Variants in HES2 observed in about 807,000 individuals in gnomAD.
HES2 encodes transcription factor HES-2.
In HES2, 11 loss-of-function variants were observed where a neutral mutation model predicts 11.9. The ratio of observed to expected loss-of-function variants is 0.92; its 90% CI spans 0.58 to 1.53. The LOEUF (loss-of-function observed/expected upper bound fraction) is 1.53, where lower values mean the gene tolerates loss of function less well. Among genes scored for constraint, HES2 ranks in the 40% most tolerant of loss-of-function variants. HES2 has a pLI of 0.00. For missense variants in HES2, 260 were observed against 253.8 expected (o/e 1.02, Z -0.16); for synonymous variants, 125 against 122.8 (o/e 1.02, Z -0.12).
At position 6,419,557 on chromosome 1, in the gene HES2, C is replaced by T. The variant is rs750346132; in HGVS notation, c.141+50G>A. The stretch of plus-strand genomic sequence containing the variant: ...CCCGCAGGAGCACCCCGTCCCCCTG[C>T]CCCCGCTCCGCGCCCCAGGACCCTC... On this transcript the variant is annotated intron_variant, in intron 2 of 3. Coordinates refer to ENST00000377834, the MANE Select transcript of HES2 (RefSeq NM_019089.5). This position sits in a 1 kb window ranked among gnomAD's most constrained non-coding sequence, Gnocchi z 8.1. 46 of 1,444,132 alleles carry T rather than the reference C, an allele frequency of 3.2e-5. No individual in the cohort carries two copies. The East Asian group carries it at 4.3e-4, about 13-fold the overall frequency. 89.5% of individuals were successfully genotyped at this position (1,444,132 alleles called of 1,614,324 possible).
chr1:6,419,794 G>C lies in HES2; in HGVS notation c.27C>G (p.Asp9Glu), dbSNP rs1642891387. 2 of 1,560,596 alleles carry C rather than the reference G, an allele frequency of 1.3e-6. No individual in the cohort carries two copies. The highest frequency in any genetic ancestry group is 2.8e-5 in the African/African-American group (2 of 70,974). The change falls in exon 1 of 4, where the codon GAC (aspartate) becomes GAG (glutamate). Residue 9 changes from aspartate to glutamate, a missense_variant. Transcript: ENST00000377834. This position sits in a 1 kb window ranked among gnomAD's most constrained non-coding sequence, Gnocchi z 8.1. MGLPRRAG[D>E]AAELRKSLKP... ...TACCCACCTTGCGCAGCTCCGCCGC[G>C]TCCCCTGCCCGGCGAGGCAGCCCCA...
chr1:6,419,456 T>G lies in HES2; in HGVS notation c.142-116A>C, dbSNP rs1642886287. On this transcript the variant is annotated intron_variant, in intron 2 of 3. Coordinates refer to ENST00000377834, the MANE Select transcript of HES2 (RefSeq NM_019089.5). The surrounding 1 kb of genome is among the most constrained non-coding windows in gnomAD (Gnocchi z 8.1). ...GGGTGTGGGGCGCGCCGTGGCCTGC[T>G]GGGGGTCCGCTCCGACGCGCCCACC... 1 of 1,178,758 alleles carries G rather than the reference T, an allele frequency of 8.5e-7. No individual in the cohort carries two copies. The highest frequency in any genetic ancestry group is 1.2e-6 in the Non-Finnish European group (1 of 845,906). The allele number at this position is 1,178,758 out of a possible 1,614,324, so 73.0% of individuals were successfully genotyped here.
In HES2 at chr1:6,416,565, A is replaced by G. The variant is rs567763998; in HGVS notation, c.*2308T>C. 5 of 152,232 alleles carry G rather than the reference A, an allele frequency of 3.3e-5. No homozygotes were observed. In the East Asian group the frequency reaches 9.7e-4, roughly 29 times the overall value. The allele number at this position is 152,232 out of a possible 1,614,324, so 9.4% of individuals were successfully genotyped here. On this transcript the variant is annotated 3_prime_UTR_variant, in exon 4 of 4. Coordinates refer to ENST00000377834, the MANE Select transcript of HES2 (RefSeq NM_019089.5). ...GCCTGACCCTGTGAGTCACTGGCCC[A>G]TCTACAATCCTTCTCCCCGTGACTG...
chr1:6,418,899 C>G lies in HES2; in HGVS notation c.496G>C (p.Gly166Arg). 1 of 1,316,170 alleles carries G rather than the reference C, an allele frequency of 7.6e-7. No homozygotes were observed. The highest frequency in any genetic ancestry group is 9.6e-7 in the Non-Finnish European group (1 of 1,040,664). 81.5% of individuals were successfully genotyped at this position (1,316,170 alleles called of 1,614,324 possible). Residue 166 changes from glycine to arginine, a missense_variant, in exon 4 of 4, where the codon GGC becomes CGC. Transcript: ENST00000377834. ...PVPSPPSPPC[G>R]PGLWRPW Reference sequence around the variant, plus strand: ...TACCACGGCCGCCAGAGGCCAGGGCCGCAGGGAGGCGAGGGCGGCGAGGGC... The same window carrying G: ...TACCACGGCCGCCAGAGGCCAGGGCGGCAGGGAGGCGAGGGCGGCGAGGGC...
chr1:6,416,103 G>T lies in HES2; in HGVS notation c.*2770C>A. 6.6e-6 allele frequency: 1 copy of T among 152,368 alleles called. No individual in the cohort carries two copies. Among genetic ancestry groups the T allele is most frequent in the Non-Finnish European group, 1.5e-5 (1 of 68,064 alleles). 9.4% of individuals were successfully genotyped at this position (152,368 alleles called of 1,614,324 possible). A position where few individuals can be genotyped will look rare whatever the true frequency, so the allele number is the denominator to read the frequency against. On this transcript the variant is annotated 3_prime_UTR_variant, in exon 4 of 4. Transcript: ENST00000377834. ...TTGCCCACTGGTTTTATGAGAAAGA[G>T]ACATGGGAGCCTTTTCCCCAGCTGG...
Position 6,418,872 on chromosome 1 carries a change from G to C in HES2, c.*1C>G, listed in dbSNP as rs929976888. On this transcript the variant is annotated 3_prime_UTR_variant, in exon 4 of 4. Transcript: ENST00000377834. The stretch of plus-strand genomic sequence containing the variant: ...GCAGGGTCTGTGGATCGGCCGAGGG[G>C]CTACCACGGCCGCCAGAGGCCAGGG... 7.7e-7 allele frequency: 1 copy of C among 1,306,662 alleles called. No homozygotes were observed. The highest frequency in any genetic ancestry group is 1.5e-5 in the African/African-American group (1 of 64,822). The allele number at this position is 1,306,662 out of a possible 1,614,324, so 80.9% of individuals were successfully genotyped here.
chr1:6,419,447 G>A lies in HES2; in HGVS notation c.142-107C>T. Reference sequence around the variant, plus strand: ...TCGGGAGCTGGGTGTGGGGCGCGCCGTGGCCTGCTGGGGGTCCGCTCCGAC... The same window carrying A: ...TCGGGAGCTGGGTGTGGGGCGCGCCATGGCCTGCTGGGGGTCCGCTCCGAC... On this transcript the variant is annotated intron_variant, in intron 2 of 3. Coordinates refer to ENST00000377834, the MANE Select transcript of HES2 (RefSeq NM_019089.5). This position sits in a 1 kb window ranked among gnomAD's most constrained non-coding sequence, Gnocchi z 8.1. The A allele has an allele frequency of 5.0e-6, 6 of 1,198,474 alleles. No individual in the cohort carries two copies. The highest frequency in any genetic ancestry group is 7.0e-6 in the Non-Finnish European group (6 of 860,202). 74.2% of individuals were successfully genotyped at this position (1,198,474 alleles called of 1,614,324 possible).
Position 6,416,570 on chromosome 1 carries a change from C to T in HES2, c.*2303G>A, listed in dbSNP as rs1642852818. On this transcript the variant is annotated 3_prime_UTR_variant, in exon 4 of 4. Transcript: ENST00000377834. Reference sequence around the variant, plus strand: ...ACCCTGTGAGTCACTGGCCCATCTACAATCCTTCTCCCCGTGACTGCTTGA... The same window carrying T: ...ACCCTGTGAGTCACTGGCCCATCTATAATCCTTCTCCCCGTGACTGCTTGA... 6.6e-6 allele frequency: 1 copy of T among 152,202 alleles called. No individual in the cohort carries two copies. The highest frequency in any genetic ancestry group is 1.5e-5 in the Non-Finnish European group (1 of 68,064). The allele number at this position is 152,202 out of a possible 1,614,324, so 9.4% of individuals were successfully genotyped here.
Position 6,416,424 on chromosome 1 carries a change from C to T in HES2, c.*2449G>A, listed in dbSNP as rs1279289642. 1 of 152,308 alleles carries T rather than the reference C, an allele frequency of 6.6e-6. No individual in the cohort carries two copies. The highest frequency in any genetic ancestry group is 1.5e-5 in the Non-Finnish European group (1 of 68,112). 9.4% of individuals were successfully genotyped at this position (152,308 alleles called of 1,614,324 possible). On this transcript the variant is annotated 3_prime_UTR_variant, in exon 4 of 4. Coordinates refer to ENST00000377834, the MANE Select transcript of HES2 (RefSeq NM_019089.5). ...AGACCTTCTGCGCAGCTAGCTCTTG[C>T]ACACACCCCTGCGGAGAAACTCTGC...
At position 6,415,578 on chromosome 1, in the gene HES2, C is replaced by T. The variant is rs1642837900; in HGVS notation, c.*3295G>A. 1 of 151,668 alleles carries T rather than the reference C, an allele frequency of 6.6e-6. No homozygotes were observed. The highest frequency in any genetic ancestry group is 6.6e-5 in the Admixed American group (1 of 15,156). 9.4% of individuals were successfully genotyped at this position (151,668 alleles called of 1,614,324 possible). A position where few individuals can be genotyped will look rare whatever the true frequency, so the allele number is the denominator to read the frequency against. On this transcript the variant is annotated 3_prime_UTR_variant, in exon 4 of 4. Transcript: ENST00000377834. Reference sequence around the variant, plus strand: ...CAATTTGTCAATGTTTATGAGGAGTCCTCCTTGGCAGCCCAGTCTTTATCC... The same window carrying T: ...CAATTTGTCAATGTTTATGAGGAGTTCTCCTTGGCAGCCCAGTCTTTATCC...
In HES2 at chr1:6,419,473, G is replaced by T; in HGVS notation, c.142-133C>A. The T allele has an allele frequency of 8.7e-7, 1 of 1,153,860 alleles. No individual in the cohort carries two copies. Among genetic ancestry groups the T allele is most frequent in the Middle Eastern group, 2.3e-4 (1 of 4,404 alleles). 71.5% of individuals were successfully genotyped at this position (1,153,860 alleles called of 1,614,324 possible). ...TGGCCTGCTGGGGGTCCGCTCCGAC[G>T]CGCCCACCCCACCCAGGCTCCGCCT... On this transcript the variant is annotated intron_variant, in intron 2 of 3. Coordinates refer to ENST00000377834, the MANE Select transcript of HES2 (RefSeq NM_019089.5). The surrounding 1 kb of genome is among the most constrained non-coding windows in gnomAD (Gnocchi z 8.1).
Position 6,419,803 on chromosome 1 carries a change from C to A in HES2, c.18G>T (p.Arg6=). The A allele has an allele frequency of 6.4e-7, 1 of 1,563,666 alleles. No homozygotes were observed. Residue 6 remains arginine (R), a synonymous_variant, in exon 1 of 4, where the codon CGG becomes CGT. Transcript: ENST00000377834. This position sits in a 1 kb window ranked among gnomAD's most constrained non-coding sequence, Gnocchi z 8.1. Reference sequence around the variant, plus strand: ...TGCGCAGCTCCGCCGCGTCCCCTGCCCGGCGAGGCAGCCCCATGCTCCGCG... The same window carrying A: ...TGCGCAGCTCCGCCGCGTCCCCTGCACGGCGAGGCAGCCCCATGCTCCGCG... The part of the protein sequence containing the change: MGLPR[R]AGDAAELRKS...
Position 6,419,760 on chromosome 1 carries a change from A to C in HES2, c.45+16T>G, listed in dbSNP as rs764249047. ...CCCCGGAGTCCCCAGCCCCGCCCCC[A>C]GTCCCCGGTACCCACCTTGCGCAGC... is the stretch of plus-strand genomic sequence containing the variant. On this transcript the variant is annotated intron_variant, in intron 1 of 3. Coordinates refer to ENST00000377834, the MANE Select transcript of HES2 (RefSeq NM_019089.5). The surrounding 1 kb of genome is among the most constrained non-coding windows in gnomAD (Gnocchi z 8.1). 140 of 1,461,588 alleles carry C rather than the reference A, an allele frequency of 9.6e-5. 1 individual carries two copies. The highest frequency in any genetic ancestry group is 3.8e-4 in the Admixed American group (20 of 52,638). 90.5% of individuals were successfully genotyped at this position (1,461,588 alleles called of 1,614,324 possible).
Position 6,415,374 on chromosome 1 carries a change from T to G in HES2, c.*3499A>C, listed in dbSNP as rs748406871. On this transcript the variant is annotated 3_prime_UTR_variant, in exon 4 of 4. Coordinates refer to ENST00000377834, the MANE Select transcript of HES2 (RefSeq NM_019089.5). ...AGCATGTGCCCACTTTGTATCTGTG[T>G]GTCACACTTTCGCAATTCTTGCAAT... The G allele has an allele frequency of 6.6e-6, 1 of 151,994 alleles. No individual in the cohort carries two copies. The highest frequency in any genetic ancestry group is 1.5e-5 in the Non-Finnish European group (1 of 68,016). The allele number at this position is 151,994 out of a possible 1,614,324, so 9.4% of individuals were successfully genotyped here.
Position 6,417,604 on chromosome 1 carries a change from T to G in HES2, c.*1269A>C, listed in dbSNP as rs1225566667. On this transcript the variant is annotated 3_prime_UTR_variant, in exon 4 of 4. Coordinates refer to ENST00000377834, the MANE Select transcript of HES2 (RefSeq NM_019089.5). The stretch of plus-strand genomic sequence containing the variant: ...CATGGAAAAGAAAGAAATAAAAAAT[T>G]TTTTTTGAGACAGAGTCTTGCTGTG... 1 of 151,812 alleles carries G rather than the reference T, an allele frequency of 6.6e-6. No homozygotes were observed. The highest frequency in any genetic ancestry group is 1.5e-5 in the Non-Finnish European group (1 of 68,050). 9.4% of individuals were successfully genotyped at this position (151,812 alleles called of 1,614,324 possible).
rs769197592 is a variant in HES2 at position 6,419,124 on chromosome 1, T to C, written c.271A>G (p.Ser91Gly). The C allele has an allele frequency of 5.3e-6, 8 of 1,521,546 alleles. No individual in the cohort carries two copies. In the South Asian group the frequency reaches 9.7e-5, roughly 18 times the overall value. The allele number at this position is 1,521,546 out of a possible 1,614,324, so 94.3% of individuals were successfully genotyped here. Reference sequence around the variant, plus strand: ...CGGGCCAGGCGCGCCACACAGGCGCTGTAGCCCTCGCGGTAGCTGTCGCAA... The same window carrying C: ...CGGGCCAGGCGCGCCACACAGGCGCCGTAGCCCTCGCGGTAGCTGTCGCAA... ...LPCDSYREGY[S>G]ACVARLARVL... The change falls in exon 4 of 4, where the codon AGC becomes GGC. Residue 91 changes from serine (S) to glycine (G), a missense_variant. By Grantham distance (56) the Ser-to-Gly change is moderately conservative (BLOSUM62 0). Transcript: ENST00000377834. This position sits in a 1 kb window ranked among gnomAD's most constrained non-coding sequence, Gnocchi z 8.1.
In HES2 at chr1:6,419,462, T is replaced by A; in HGVS notation, c.142-122A>T. 4.3e-6 allele frequency: 5 copies of A among 1,162,988 alleles called. No homozygotes were observed. Among genetic ancestry groups the A allele is most frequent in the Non-Finnish European group, 6.0e-6 (5 of 836,006 alleles). The allele number at this position is 1,162,988 out of a possible 1,614,324, so 72.0% of individuals were successfully genotyped here. A position where few individuals can be genotyped will look rare whatever the true frequency, so the allele number is the denominator to read the frequency against. On this transcript the variant is annotated intron_variant, in intron 2 of 3. Transcript: ENST00000377834. The surrounding 1 kb of genome is among the most constrained non-coding windows in gnomAD (Gnocchi z 8.1). ...GGGGCGCGCCGTGGCCTGCTGGGGGTCCGCTCCGACGCGCCCACCCCACCC... is the reference window on the plus strand; with the variant it reads ...GGGGCGCGCCGTGGCCTGCTGGGGGACCGCTCCGACGCGCCCACCCCACCC...
rs1022823763 is a variant in HES2 at position 6,418,648 on chromosome 1, C to A, written c.*225G>T. 5 of 404,026 alleles carry A rather than the reference C, an allele frequency of 1.2e-5. No homozygotes were observed. Among genetic ancestry groups the A allele is most frequent in the African/African-American group, 8.2e-5 (4 of 48,538 alleles). The allele number at this position is 404,026 out of a possible 1,614,324, so 25.0% of individuals were successfully genotyped here. Reference sequence around the variant, plus strand: ...CTGCCTCTTGTCCTTTCTTCTCCAGCCAAGTTGGGGGTGAAGCAGGGACGC... The same window carrying A: ...CTGCCTCTTGTCCTTTCTTCTCCAGACAAGTTGGGGGTGAAGCAGGGACGC... On this transcript the variant is annotated 3_prime_UTR_variant, in exon 4 of 4. Transcript: ENST00000377834.
At position 6,418,909 on chromosome 1, in the gene HES2, C is replaced by T. The variant is rs1195675428; in HGVS notation, c.486G>A (p.Ser162=). Residue 162 remains serine, a synonymous_variant, in exon 4 of 4, where the codon TCG becomes TCA. Coordinates refer to ENST00000377834, the MANE Select transcript of HES2 (RefSeq NM_019089.5). ...PASAPVPSPP[S]PPCGPGLWRP... ...GCCAGAGGCCAGGGCCGCAGGGAGGCGAGGGCGGCGAGGGCACCGGAGCGG... is the reference window on the plus strand; with the variant it reads ...GCCAGAGGCCAGGGCCGCAGGGAGGTGAGGGCGGCGAGGGCACCGGAGCGG... 19 of 1,315,522 alleles carry T rather than the reference C, an allele frequency of 1.4e-5. No homozygotes were observed. The highest frequency in any genetic ancestry group is 3.1e-5 in the African/African-American group (2 of 64,798). 81.5% of individuals were successfully genotyped at this position (1,315,522 alleles called of 1,614,324 possible). A position where few individuals can be genotyped will look rare whatever the true frequency, so the allele number is the denominator to read the frequency against.
Sources: allele counts gnomAD v4.1 joint callset, GRCh38; gene constraint gnomAD v4.1.1; non-coding constraint Gnocchi (gnomAD v3.1); transcripts MANE v1.5; gene names NCBI Gene and HGNC (gene_info 2026-07-23, HGNC 2026-07-21).